Variants in PAX3 observed in about 807,000 individuals in gnomAD.
PAX3 encodes the protein paired box protein Pax-3.
Under a neutral mutation model 51.6 loss-of-function variants are expected in PAX3, and 14 were observed. That is an observed-to-expected ratio of 0.27 (90% CI 0.18 to 0.42). The LOEUF is 0.42. Among genes scored for constraint, PAX3 ranks in the 10% least tolerant of loss-of-function variants. The pLI is 1.00. For synonymous variants in PAX3, 280 were observed against 253.4 expected (o/e 1.11, Z -1.00); for missense variants, 540 against 642.8 (o/e 0.84, Z 1.73).
intron 1 of PAX3, chr2:222,298,248 T>C (rs1695410798): frequency 4.1e-6 from 2 of 490,698 alleles, no homozygotes; most frequent in Non-Finnish European, 7.3e-6. Context: ...CCGGTTCACC[T>C]CCTTCTCCAC....
intron 7 of PAX3, among the ~76,000 whole-genome samples, chr2:222,216,457 A>G (rs1361289297): frequency 6.6e-6 from 1 of 152,174 alleles, no homozygotes; most frequent in African/African-American, 2.4e-5. Flanking sequence ...TGCTGTTGGT[A>G]TTCTGAGATT....
At chr2:222,298,451 G>A (rs1467390542) in intron 1 of PAX3, 80 bp downstream of exon 1, 5 of 1,198,062 alleles carry the variant, frequency 4.2e-6, no homozygotes, top group Non-Finnish European at 6.0e-6. Context: ...CACCAAAGGA[G>A]CCTGCGGAGC....
At chr2:222,219,285 G>A (rs1692089280) in intron 7 of PAX3, among the ~76,000 whole-genome samples, 1 of 152,010 alleles carries the variant, frequency 6.6e-6, no homozygotes. Flanking sequence ...ACTCTCTGAA[G>A]AGATTCTCGA....
At chr2:222,263,614 C>T (rs1033924568) in intron 4 of PAX3, 9 of 152,322 alleles carry the variant, frequency 5.9e-5, no homozygotes, top group African/African-American at 2.2e-4. Flanking sequence ...CCAGAAATCA[C>T]ACTTCTAGGT....
In PAX3 at chr2:222,202,008, G is replaced by A; in HGVS notation, c.1356C>T (p.Thr452=). ...CCATACTGTAGCCTGTGGTGCTATA[G>A]GTGGGTGGACAGTAGGACTGAGATG... ...LPTSQSYCPP[T]YSTTGYSMDP... The change falls in exon 8 of 9, where the codon ACC becomes ACT. Residue 452 remains threonine (T), a synonymous_variant. Coordinates refer to ENST00000392070, the MANE Select transcript of PAX3 (RefSeq NM_181458.4). 1 of 1,614,072 alleles carries A rather than the reference G, an allele frequency of 6.2e-7. No individual in the cohort carries two copies. The highest frequency in any genetic ancestry group is 8.5e-7 in the Non-Finnish European group (1 of 1,180,000).
intron 5 of PAX3, among the ~76,000 whole-genome samples, chr2:222,231,528 G>C (rs45599837): frequency 6.6e-6 from 1 of 152,154 alleles, no homozygotes; most frequent in Non-Finnish European, 1.5e-5. Flanking sequence ...GTTAAATGAA[G>C]GAATTTCATG....
At chr2:222,284,751 T>C (rs1376740067) in intron 4 of PAX3, among the ~76,000 whole-genome samples, 1 of 152,148 alleles carries the variant, frequency 6.6e-6, no homozygotes, top group African/African-American at 2.4e-5. Flanking sequence ...CAGAGATTAT[T>C]TCCCCCCCGA....
At chr2:222,286,741 C>A (rs1483002771) in intron 4 of PAX3, among the ~76,000 whole-genome samples, 1 of 152,156 alleles carries the variant, frequency 6.6e-6, no homozygotes, top group Non-Finnish European at 1.5e-5. Context: ...TTCAAAGACA[C>A]ATGGCCACTT....
intron 7 of PAX3, among the ~76,000 whole-genome samples, chr2:222,214,011 A>G (rs1305120588): frequency 1.3e-5 from 2 of 152,198 alleles, no homozygotes; most frequent in African/African-American, 4.8e-5. Context: ...AACGGCAACA[A>G]ATGAAACAGA....
chr2:222,253,822 C>T lies in PAX3; in HGVS notation c.587-21539G>A, dbSNP rs192805950. Among the ~76,000 whole-genome samples, 232 of 151,968 alleles carry T rather than the reference C, an allele frequency of 1.5e-3. 1 individual carries two copies. Among genetic ancestry groups the T allele is most frequent in the African/African-American group, 5.3e-3 (219 of 41,442 alleles). ...TGCAGAAGCATGCCACCACATCCCA[C>T]TAATTTTTTTTTTAAGAGATGGGGC... On this transcript the variant is annotated intron_variant, in intron 4 of 8. Coordinates refer to ENST00000392070, the MANE Select transcript of PAX3 (RefSeq NM_181458.4).
chr2:222,223,154 G>T (rs1035176238), intron 5 of PAX3, among the ~76,000 whole-genome samples: 2 of 151,762 alleles, frequency 1.3e-5, no homozygotes, highest in East Asian at 1.9e-4. Context: ...ATCCTTTGCC[G>T]AGGGATTTGC....
chr2:222,276,914 G>T (rs932665551), intron 4 of PAX3, among the ~76,000 whole-genome samples: 2 of 152,160 alleles, frequency 1.3e-5, no homozygotes, highest in African/African-American at 2.4e-5. Context: ...GTCAAACCCA[G>T]ACTTTGACTT....
chr2:222,205,186 C>T (rs1691458771), intron 7 of PAX3, among the ~76,000 whole-genome samples: 1 of 152,122 alleles, frequency 6.6e-6, no homozygotes, highest in Admixed American at 6.5e-5. Context: ...TGAAGTATAT[C>T]TATTGAAGGG....
chr2:222,253,595 A>G (rs1019858911), intron 4 of PAX3, among the ~76,000 whole-genome samples: 2 of 152,046 alleles, frequency 1.3e-5, no homozygotes, highest in African/African-American at 4.8e-5. Flanking sequence ...CAAGAAAAAA[A>G]TAAGTCAAAG....
chr2:222,241,603 C>T (rs6436302), intron 4 of PAX3, among the ~76,000 whole-genome samples: 83,198 of 151,984 alleles, frequency 0.55, 23,245 homozygotes, highest in East Asian at 0.83. Context: ...ACAGCTGCCC[C>T]GAGTGCTGCA....
intron 4 of PAX3, among the ~76,000 whole-genome samples, chr2:222,237,326 G>GCACACACACA (rs3075849): frequency 0.14 from 20,914 of 146,334 alleles, 1,720 homozygotes; most frequent in East Asian, 0.35. Context: ...TTTATCACAT[G>GCACACACACA]CACACACACA....
chr2:222,219,992 A>G (rs1367247626), intron 7 of PAX3, 148 bp downstream of exon 7: 1 of 714,826 alleles, frequency 1.4e-6, no homozygotes, highest in Non-Finnish European at 2.4e-6. Flanking sequence ...GGGTGGAGAG[A>G]AAGGAAACCA....
Position 222,297,095 on chromosome 2 carries a change from C to T in PAX3, c.204G>A (p.Arg68=). ...GCAGCTGGCGCGAGATGACGCAGGG[C>T]CGGATGCCGTGGTGGGCCATCTCCA... is the stretch of plus-strand genomic sequence containing the variant. ...KIVEMAHHGI[R]PCVISRQLRV... Residue 68 remains arginine (R), a synonymous_variant, in exon 2 of 9, where the codon CGG becomes CGA. Transcript: ENST00000392070. The T allele has an allele frequency of 6.2e-7, 1 of 1,614,048 alleles. No individual in the cohort carries two copies. The highest frequency in any genetic ancestry group is 1.1e-5 in the South Asian group (1 of 91,064).
chr2:222,293,501 C>G (rs1342580135), intron 4 of PAX3: 8 of 817,402 alleles, frequency 9.8e-6, no homozygotes, highest in Non-Finnish European at 1.3e-5. Context: ...CCCTAGAAGA[C>G]AGAGGGTGCC....
Sources: gnomAD v4.1 joint callset for allele counts (sites outside exome capture counted in the v4.1 genomes callset) on GRCh38, gnomAD v4.1.1 for gene constraint, MANE v1.5 for transcripts, NCBI Gene and HGNC (gene_info 2026-07-23, HGNC 2026-07-21) for gene names.